KCNH7: variants seen among roughly 807,000 people sequenced by gnomAD.
KCNH7 encodes potassium voltage-gated channel subfamily H member 7.
KCNH7 carries 49 observed loss-of-function variants against 120.8 expected under a neutral mutation model. That is an observed-to-expected ratio of 0.41 (90% CI 0.32 to 0.51). KCNH7 has a LOEUF of 0.51. Ranked by LOEUF, KCNH7 falls within the 20% of genes least tolerant of loss-of-function variation. The probability of loss-of-function intolerance (pLI) is 0.38; values close to 1 mark genes in which losing one functional copy is unlikely to be tolerated. For missense variants in KCNH7, 1,097 were observed against 1,446.6 expected, an observed-to-expected ratio of 0.76 and a Z score of 3.92; for synonymous variants, 547 against 516.1, an observed-to-expected ratio of 1.06 and a Z score of -0.81.
At chr2:162,474,235 C>A (rs1340122194) in intron 6 of KCNH7, among the ~76,000 whole-genome samples, 8 of 152,334 alleles carry the variant, frequency 5.3e-5, no homozygotes, top group Non-Finnish European at 1.0e-4. Flanking sequence ...AGCCAGGCAA[C>A]TTGGCTTTAG....
intron 2 of KCNH7, among the ~76,000 whole-genome samples, chr2:162,600,330 C>T (rs1352693220): frequency 2.6e-5 from 4 of 152,004 alleles, no homozygotes; most frequent in Non-Finnish European, 5.9e-5. Context: ...AGGTGATCAC[C>T]AATAGGTCCA....
intron 6 of KCNH7, among the ~76,000 whole-genome samples, chr2:162,483,066 C>G (rs1258836864): frequency 6.6e-6 from 1 of 152,046 alleles, no homozygotes; most frequent in Non-Finnish European, 1.5e-5. Flanking sequence ...TCCTCATAAG[C>G]TAAAGAAATA....
chr2:162,372,565 C>G (rs1033521710), intron 15 of KCNH7, among the ~76,000 whole-genome samples: 1 of 151,132 alleles, frequency 6.6e-6, no homozygotes, highest in Non-Finnish European at 1.5e-5. Context: ...GTTTCCCAGT[C>G]ATTCAAAACT....
intron 2 of KCNH7, among the ~76,000 whole-genome samples, chr2:162,826,332 A>G (rs1162836937): frequency 2.0e-5 from 3 of 152,112 alleles, no homozygotes; most frequent in Admixed American, 1.3e-4. Flanking sequence ...GAGAACATGT[A>G]GAGATATTTT....
intron 2 of KCNH7, chr2:162,784,807 T>A (rs1683638723): frequency 6.6e-6 from 1 of 152,224 alleles, no homozygotes; most frequent in Non-Finnish European, 1.5e-5. Flanking sequence ...TCTTAGAAGG[T>A]AGCACTACTT....
At chr2:162,701,833 C>A (rs952347068) in intron 2 of KCNH7, among the ~76,000 whole-genome samples, 2 of 151,886 alleles carry the variant, frequency 1.3e-5, no homozygotes, top group East Asian at 1.9e-4. Flanking sequence ...ATGGTGAAAC[C>A]CCATCTCTAC....
At chr2:162,676,257 G>T (rs1685526385) in intron 2 of KCNH7, among the ~76,000 whole-genome samples, 4 of 151,458 alleles carry the variant, frequency 2.6e-5, no homozygotes. Context: ...AAGCATGTTA[G>T]TATATAAAAA....
At chr2:162,654,560 G>A (rs1684678250) in intron 2 of KCNH7, among the ~76,000 whole-genome samples, 2 of 151,944 alleles carry the variant, frequency 1.3e-5, no homozygotes, top group African/African-American at 4.8e-5. Flanking sequence ...TATGTAGATT[G>A]GTACAACCAT....
intron 2 of KCNH7, among the ~76,000 whole-genome samples, chr2:162,633,192 T>C (rs1227984841): frequency 6.6e-6 from 1 of 151,810 alleles, no homozygotes; most frequent in Non-Finnish European, 1.5e-5. Flanking sequence ...CACACGGGGG[T>C]TTTATACATT....
chr2:162,620,845 C>T (rs1464601297), intron 2 of KCNH7, among the ~76,000 whole-genome samples: 3 of 152,016 alleles, frequency 2.0e-5, no homozygotes, highest in East Asian at 3.9e-4. Flanking sequence ...AATTCCTTTG[C>T]TCAATAATGC....
At chr2:162,827,926 T>C (rs1461057659) in intron 2 of KCNH7, among the ~76,000 whole-genome samples, 1 of 152,140 alleles carries the variant, frequency 6.6e-6, no homozygotes. Flanking sequence ...GTTAGACCTT[T>C]GGGAGAAGAG....
chr2:162,446,022 T>C lies in KCNH7; in HGVS notation c.1550A>G (p.Asp517Gly). 1 of 1,612,056 alleles carries C rather than the reference T, an allele frequency of 6.2e-7. No individual in the cohort carries two copies. The highest frequency in any genetic ancestry group is 8.5e-7 in the Non-Finnish European group (1 of 1,178,962). ...AGAATCTTAAGCAGTTCTTACCTCA[T>C]CAGAACCTGATCCAAAAATCAGCAA... is the stretch of plus-strand genomic sequence containing the variant. Reference protein sequence around the residue: ...FDLLIFGSGSDETTTLIGLLK... With the variant: ...FDLLIFGSGSGETTTLIGLLK... Residue 517 changes from aspartate to glycine, a missense_variant, in exon 7 of 16, where the codon GAT becomes GGT. Around this residue, in one of 8 missense-constraint regions of KCNH7, gnomAD observed 109 missense variants for 196.8 expected, o/e 0.55. Coordinates refer to ENST00000332142, the MANE Select transcript of KCNH7 (RefSeq NM_033272.4).
intron 2 of KCNH7, among the ~76,000 whole-genome samples, chr2:162,811,712 G>T (rs1684738767): frequency 2.0e-5 from 3 of 152,114 alleles, no homozygotes; most frequent in South Asian, 4.1e-4. Flanking sequence ...GGGTCATCTT[G>T]CATAGCACAA....
At chr2:162,538,431 C>T (rs967210701) in intron 2 of KCNH7, among the ~76,000 whole-genome samples, 2 of 151,670 alleles carry the variant, frequency 1.3e-5, no homozygotes, top group Non-Finnish European at 2.9e-5. Context: ...AATGCAGAGG[C>T]GGGGGGAGGT....
chr2:162,565,000 T>C (rs925934599), intron 2 of KCNH7, among the ~76,000 whole-genome samples: 5 of 152,100 alleles, frequency 3.3e-5, no homozygotes, highest in Admixed American at 2.0e-4. Context: ...TTAGTAATGG[T>C]ATATCCCCTT....
intron 2 of KCNH7, among the ~76,000 whole-genome samples, chr2:162,582,340 A>T (rs1354746001): frequency 1.3e-5 from 2 of 152,062 alleles, no homozygotes; most frequent in Admixed American, 6.6e-5. Context: ...ACATTATCCC[A>T]TACTCTTTTA....
chr2:162,664,024 A>G (rs1340462726), intron 2 of KCNH7, among the ~76,000 whole-genome samples: 1 of 152,116 alleles, frequency 6.6e-6, no homozygotes, highest in African/African-American at 2.4e-5. Context: ...TGCCAATGCT[A>G]TAGTCTGCAT....
chr2:162,596,658 C>T (rs1246992917), intron 2 of KCNH7, among the ~76,000 whole-genome samples: 5 of 152,060 alleles, frequency 3.3e-5, no homozygotes, highest in African/African-American at 9.6e-5. Flanking sequence ...TAATCTCTTA[C>T]ATAAGACCCC....
intron 2 of KCNH7, among the ~76,000 whole-genome samples, chr2:162,782,920 G>T (rs1683553886): frequency 1.3e-5 from 2 of 152,096 alleles, no homozygotes; most frequent in Non-Finnish European, 2.9e-5. Context: ...GTGAGATTGG[G>T]GAGGTGAAAG....
Sources: gnomAD v4.1 joint callset for allele counts (sites outside exome capture counted in the v4.1 genomes callset) on GRCh38, gnomAD v4.1.1 for gene constraint, gnomAD v4.1.1 regional missense constraint, MANE v1.5 for transcripts, NCBI Gene and HGNC (gene_info 2026-07-23, HGNC 2026-07-21) for gene names.